CIMAP2: variants seen among roughly 807,000 people sequenced by gnomAD.
CIMAP2 encodes ciliary microtubule-associated protein 2.
At chr1:54,807,639 C>T in the CIMAP2 span, 14 of 1,610,594 alleles carry the variant, frequency 8.7e-6, no homozygotes, top group South Asian at 6.6e-5. Flanking sequence ...CGCGGCTGAC[C>T]CAGCTACCCC....
At chr1:54,819,724 T>G in the CIMAP2 span, among the ~76,000 whole-genome samples, 1 of 151,922 alleles carries the variant, frequency 6.6e-6, no homozygotes, top group African/African-American at 2.4e-5. Context: ...TTCTGAGGTT[T>G]TGTGGCAGGA....
the CIMAP2 span, among the ~76,000 whole-genome samples, chr1:54,817,744 A>G: frequency 6.8e-6 from 1 of 147,780 alleles, no homozygotes; most frequent in South Asian, 2.1e-4. Context: ...TTTTGAAATT[A>G]TGGTGAGGAC....
the CIMAP2 span, chr1:54,811,772 T>TTCCCCCACCCC: frequency 2.2e-6 from 1 of 454,866 alleles, no homozygotes; most frequent in South Asian, 1.6e-5. Context: ...ACAGCCTCCA[T>TTCCCCCACCCC]GCCCCCACCC....
the CIMAP2 span, among the ~76,000 whole-genome samples, chr1:54,826,859 C>T: frequency 6.6e-6 from 1 of 152,236 alleles, no homozygotes; most frequent in Non-Finnish European, 1.5e-5. Flanking sequence ...CTACATTCAA[C>T]GTGTGGTTAT....
the CIMAP2 span, among the ~76,000 whole-genome samples, chr1:54,822,796 A>C: frequency 6.6e-6 from 1 of 152,162 alleles, no homozygotes; most frequent in Admixed American, 6.5e-5. Flanking sequence ...ATGAGACACT[A>C]TGCCTGGCCT....
the CIMAP2 span, chr1:54,807,218 C>T: frequency 3.0e-6 from 3 of 995,152 alleles, no homozygotes; most frequent in Admixed American, 1.8e-5. Context: ...GCTGGACCCA[C>T]AGTGGGGGCT....
At chr1:54,816,906 A>C in the CIMAP2 span, 1 of 1,532,182 alleles carries the variant, frequency 6.5e-7, no homozygotes, top group Admixed American at 1.8e-5. Context: ...GGAGTAGGGA[A>C]GCGTCCAAGG....
At chr1:54,816,990 A>G in the CIMAP2 span, 3 of 1,614,018 alleles carry the variant, frequency 1.9e-6, no homozygotes, top group Admixed American at 5.0e-5. Flanking sequence ...CTGTTGCAGA[A>G]CCCAGTAGGT....
At chr1:54,808,205 A>G in the CIMAP2 span, among the ~76,000 whole-genome samples, 4 of 152,248 alleles carry the variant, frequency 2.6e-5, no homozygotes, top group Admixed American at 2.0e-4. Context: ...CTCATGAAGT[A>G]GATGTCCTAG....
At chr1:54,811,765 G>GCCGGGGGGGGGGGGGGGGGCCCCCCCCCC in the CIMAP2 span, 2 of 1,301,328 alleles carry the variant, frequency 1.5e-6, no homozygotes, top group Non-Finnish European at 1.1e-6. Flanking sequence ...GGTTCTGACA[G>GCCGGGGGGGGGGGGGGGGGCCCCCCCCCC]CCTCCATGCC....
At chr1:54,819,978 TTCTC>T in the CIMAP2 span, among the ~76,000 whole-genome samples, 196 of 110,542 alleles carry the variant, frequency 1.8e-3, no homozygotes, top group African/African-American at 6.2e-3. Context: ...TTCTTTCTTT[TTCTC>T]TCTTTCTTCT....
the CIMAP2 span, among the ~76,000 whole-genome samples, chr1:54,835,487 C>G: frequency 1.3e-5 from 2 of 152,072 alleles, no homozygotes; most frequent in African/African-American, 4.8e-5. Flanking sequence ...CTGTGCCTGG[C>G]CAGACAAAGT....
the CIMAP2 span, among the ~76,000 whole-genome samples, chr1:54,818,375 C>CT: frequency 1.9e-3 from 293 of 150,552 alleles, no homozygotes; most frequent in East Asian, 6.8e-3. Flanking sequence ...CTCTAGTTTT[C>CT]TTTTTTTTTC....
At chr1:54,811,765 G>GCCGGGGGGGGGGGGGGC in the CIMAP2 span, 6 of 1,301,326 alleles carry the variant, frequency 4.6e-6, no homozygotes, top group East Asian at 2.5e-5. Flanking sequence ...GGTTCTGACA[G>GCCGGGGGGGGGGGGGGC]CCTCCATGCC....
At chr1:54,816,581 A>G in the CIMAP2 span, among the ~76,000 whole-genome samples, 2 of 152,140 alleles carry the variant, frequency 1.3e-5, no homozygotes, top group African/African-American at 4.8e-5. Context: ...GCTCCCTCTG[A>G]AACCTGTTGA....
the CIMAP2 span, chr1:54,811,765 G>GCCGGGGGGGGGGCGGGGGGGCCCCCCCC: frequency 7.7e-7 from 1 of 1,301,332 alleles, no homozygotes; most frequent in Non-Finnish European, 1.1e-6. Context: ...GGTTCTGACA[G>GCCGGGGGGGGGGCGGGGGGGCCCCCCCC]CCTCCATGCC....
chr1:54,816,412 T>TAGAGG, the CIMAP2 span, among the ~76,000 whole-genome samples: 4 of 152,152 alleles, frequency 2.6e-5, no homozygotes, highest in African/African-American at 9.7e-5. Context: ...TTTCTCAACC[T>TAGAGG]CTCTGTTGGT....
At chr1:54,816,443 C>T in the CIMAP2 span, among the ~76,000 whole-genome samples, 2 of 152,158 alleles carry the variant, frequency 1.3e-5, no homozygotes, top group Non-Finnish European at 2.9e-5. Flanking sequence ...TCTGTGACCC[C>T]GATATCTGGG....
At chr1:54,841,696 C>A in the CIMAP2 span, 1 of 1,594,372 alleles carries the variant, frequency 6.3e-7, no homozygotes, top group Non-Finnish European at 8.6e-7. Context: ...TGAAGCAGAA[C>A]CAACAGGTAC....
Sources: gnomAD v4.1 joint callset for allele counts (sites outside exome capture counted in the v4.1 genomes callset) on GRCh38, gnomAD v4.1.1 for gene constraint, MANE v1.5 for transcripts, NCBI Gene and HGNC (gene_info 2026-07-23, HGNC 2026-07-21) for gene names.